HYCC1: variants seen among roughly 807,000 people sequenced by gnomAD.
The protein encoded by HYCC1 is hyccin PI4KA lipid kinase complex subunit 1.
At chr7:23,001,304 G>C in the HYCC1 span, among the ~76,000 whole-genome samples, 1 of 152,056 alleles carries the variant, frequency 6.6e-6, no homozygotes, top group Admixed American at 6.6e-5. Flanking sequence ...GAAGTAACTT[G>C]CCCAAGATCA....
the HYCC1 span, among the ~76,000 whole-genome samples, chr7:22,970,852 C>T: frequency 3.9e-5 from 6 of 152,182 alleles, no homozygotes; most frequent in Non-Finnish European, 5.9e-5. Flanking sequence ...CTGTTCATCA[C>T]GGCTATGTCC....
At chr7:22,898,187 C>A in the HYCC1 span, among the ~76,000 whole-genome samples, 1 of 151,872 alleles carries the variant, frequency 6.6e-6, no homozygotes, top group East Asian at 1.9e-4. Flanking sequence ...CTGGCACACA[C>A]CACCATGCCC....
chr7:22,909,973 G>A, the HYCC1 span, among the ~76,000 whole-genome samples: 1 of 152,178 alleles, frequency 6.6e-6, no homozygotes, highest in Non-Finnish European at 1.5e-5. Context: ...TTTAGTGCAT[G>A]TGTATGAACT....
At chr7:22,965,197 G>A in the HYCC1 span, among the ~76,000 whole-genome samples, 3 of 150,874 alleles carry the variant, frequency 2.0e-5, no homozygotes, top group African/African-American at 4.9e-5. Flanking sequence ...ATAAATAGAT[G>A]TGTGGTATGA....
the HYCC1 span, among the ~76,000 whole-genome samples, chr7:22,924,064 A>G: frequency 5.3e-5 from 8 of 150,974 alleles, no homozygotes; most frequent in Non-Finnish European, 1.0e-4. Flanking sequence ...CTGTAATCCC[A>G]GCTACTTGAG....
At chr7:22,988,345 T>C in the HYCC1 span, among the ~76,000 whole-genome samples, 1 of 152,204 alleles carries the variant, frequency 6.6e-6, no homozygotes, top group African/African-American at 2.4e-5. Flanking sequence ...CTGCAGGCCA[T>C]GATTCACTCT....
chr7:22,945,456 C>A, the HYCC1 span: 1 of 718,780 alleles, frequency 1.4e-6, no homozygotes, highest in Non-Finnish European at 2.5e-6. Context: ...TTCATAAAGT[C>A]AGGGGAGCCT....
chr7:22,990,343 T>C, the HYCC1 span, among the ~76,000 whole-genome samples: 1 of 152,308 alleles, frequency 6.6e-6, no homozygotes, highest in Admixed American at 6.5e-5. Flanking sequence ...TCTCTCTCAA[T>C]GCAACAAGCC....
chr7:22,946,964 T>C, the HYCC1 span: 1 of 1,547,890 alleles, frequency 6.5e-7, no homozygotes, highest in Non-Finnish European at 8.7e-7. Context: ...TGGAGTGCAG[T>C]TATAAAGTGC....
chr7:22,925,676 A>G, the HYCC1 span, among the ~76,000 whole-genome samples: 36,974 of 152,028 alleles, frequency 0.24, 4,644 homozygotes, highest in East Asian at 0.44. Flanking sequence ...GAAATACGGG[A>G]CTATGTGAAA....
the HYCC1 span, among the ~76,000 whole-genome samples, chr7:22,897,407 A>T: frequency 6.6e-6 from 1 of 152,194 alleles, no homozygotes; most frequent in Non-Finnish European, 1.5e-5. Context: ...AGTGGACTCC[A>T]GAAGAGTAAA....
chr7:22,962,008 C>T, the HYCC1 span, among the ~76,000 whole-genome samples: 2 of 152,022 alleles, frequency 1.3e-5, no homozygotes, highest in East Asian at 3.8e-4. Context: ...TAAATTACAT[C>T]AAGAGTGCAA....
the HYCC1 span, among the ~76,000 whole-genome samples, chr7:22,923,727 A>T: frequency 6.6e-6 from 1 of 152,200 alleles, no homozygotes; most frequent in African/African-American, 2.4e-5. Context: ...TACTGGCCTT[A>T]CAAAATAAAG....
At chr7:22,991,278 C>G in the HYCC1 span, 1 of 582,760 alleles carries the variant, frequency 1.7e-6, no homozygotes, top group Non-Finnish European at 3.0e-6. Flanking sequence ...AAATTCATTT[C>G]AAAACCAATG....
the HYCC1 span, chr7:22,964,524 C>T: frequency 2.6e-5 from 41 of 1,582,524 alleles, no homozygotes; most frequent in Non-Finnish European, 3.2e-5. Flanking sequence ...TATCCACAAA[C>T]ACAGATTCTA....
At chr7:22,972,004 T>C in the HYCC1 span, among the ~76,000 whole-genome samples, 4 of 152,168 alleles carry the variant, frequency 2.6e-5, no homozygotes, top group African/African-American at 7.2e-5. Context: ...AAATTTGCCA[T>C]AGGTTCTTTC....
chr7:22,979,753 CAT>C, the HYCC1 span, among the ~76,000 whole-genome samples: 4 of 152,018 alleles, frequency 2.6e-5, no homozygotes, highest in Admixed American at 2.6e-4. Context: ...TGTATGAACA[CAT>C]AATTTTAATC....
At chr7:22,979,578 T>C in the HYCC1 span, among the ~76,000 whole-genome samples, 1 of 152,124 alleles carries the variant, frequency 6.6e-6, no homozygotes, top group African/African-American at 2.4e-5. Flanking sequence ...GCTTTCAGGG[T>C]GGAGTTTTCA....
the HYCC1 span, among the ~76,000 whole-genome samples, chr7:22,966,699 A>G: frequency 6.6e-6 from 1 of 152,186 alleles, no homozygotes; most frequent in Non-Finnish European, 1.5e-5. Flanking sequence ...CCCCTACTCA[A>G]TGAATCTAAG....
Sources: allele counts gnomAD v4.1 joint callset (sites outside exome capture counted in the v4.1 genomes callset), GRCh38; gene constraint gnomAD v4.1.1; transcripts MANE v1.5; gene names NCBI Gene and HGNC (gene_info 2026-07-23, HGNC 2026-07-21).